The following MCTP1 variants were observed in gnomAD, a reference collection of about 807,000 sequenced individuals.
MCTP1 encodes multiple C2 and transmembrane domain-containing protein 1.
Under a neutral mutation model 120.6 loss-of-function variants are expected in MCTP1, and 69 were observed. The ratio of observed to expected loss-of-function variants is 0.57; its 90% confidence interval spans 0.47 to 0.70. The LOEUF (loss-of-function observed/expected upper bound fraction) is 0.70. Ranked by LOEUF, MCTP1 falls within the 30% of genes least tolerant of loss-of-function variation. The probability of loss-of-function intolerance (pLI) is 0.00; values close to 1 mark genes in which losing one functional copy is unlikely to be tolerated. For missense variants in MCTP1, 1,203 were observed against 1,248.8 expected (o/e 0.96, Z 0.55); for synonymous variants, 529 against 493.1 (o/e 1.07, Z -0.96).
rs145231980 is a variant in MCTP1, at chr5:94,765,510, G to A, written c.2610+13600C>T. ...AGGTCAGGAGTTTGAGACCAGCCTGGCTAACATGGTGAAACCATGTCTCTG... is the reference window on the plus strand; with the variant it reads ...AGGTCAGGAGTTTGAGACCAGCCTGACTAACATGGTGAAACCATGTCTCTG... On this transcript the variant is annotated intron_variant, in intron 19 of 22. Coordinates refer to ENST00000515393, the MANE Select transcript of MCTP1 (RefSeq NM_024717.7). 7.3e-3 allele frequency among the ~76,000 whole-genome samples: 1,111 copies of A among 152,090 alleles called. 16 individuals carry two copies. Among genetic ancestry groups the A allele is most frequent in the African/African-American group, 0.025 (1,033 of 41,490 alleles).
chr5:95,055,463 T>G (rs547818990), intron 1 of MCTP1, among the ~76,000 whole-genome samples: 1 of 152,346 alleles, frequency 6.6e-6, no homozygotes, highest in South Asian at 2.1e-4. Context: ...GGCACTTTTC[T>G]AAGCATTTAA....
chr5:94,889,007 G>A, intron 11 of MCTP1, 35 bp from the exon 12 acceptor site: 8 of 1,414,914 alleles, frequency 5.7e-6, no homozygotes, highest in Non-Finnish European at 8.0e-6. Context: ...AGAAAAGGGA[G>A]GTCCCAAGGA....
chr5:94,855,122 T>C (rs1023857585), intron 17 of MCTP1, among the ~76,000 whole-genome samples: 1 of 151,884 alleles, frequency 6.6e-6, no homozygotes, highest in Non-Finnish European at 1.5e-5. Context: ...CCCGCAACTC[T>C]GATAAGACTT....
Position 94,706,002 on chromosome 5 carries a change from A to AACTT in MCTP1, c.*1490_*1493dup, listed in dbSNP as rs2152510604. 1 of 151,862 alleles carries AACTT rather than the reference A, an allele frequency of 6.6e-6. No individual in the cohort carries two copies. The highest frequency in any genetic ancestry group is 1.9e-4 in the East Asian group (1 of 5,158). 9.4% of individuals were successfully genotyped at this position (151,862 alleles called of 1,614,324 possible). A position where few individuals can be genotyped will look rare whatever the true frequency, so the allele number is the denominator to read the frequency against. ...TCTATTATAAGAAATAGTATTTAAC[A>AACTT]ACTTATCTCTAAAATAAAAATACTT... On this transcript the variant is annotated 3_prime_UTR_variant, in exon 23 of 23. Transcript: ENST00000515393.
chr5:95,166,153 C>G (rs1418850102), intron 1 of MCTP1: 1 of 152,194 alleles, frequency 6.6e-6, no homozygotes, highest in African/African-American at 2.4e-5. Flanking sequence ...ACAGTGAGCT[C>G]CAGTGTTGTA....
At chr5:95,249,280 A>G (rs1385751561) in intron 1 of MCTP1, among the ~76,000 whole-genome samples, 1 of 152,234 alleles carries the variant, frequency 6.6e-6, no homozygotes, top group Non-Finnish European at 1.5e-5. Context: ...AAGGGCTAAT[A>G]TTCAGAATCT....
intron 17 of MCTP1, among the ~76,000 whole-genome samples, chr5:94,800,089 C>T (rs943736025): frequency 5.3e-5 from 8 of 152,168 alleles, no homozygotes; most frequent in East Asian, 1.9e-4. Flanking sequence ...TCCCCTCTTT[C>T]GTTTCTTCCC....
intron 2 of MCTP1, among the ~76,000 whole-genome samples, chr5:94,997,423 C>A (rs2153629343): frequency 6.6e-6 from 1 of 152,304 alleles, no homozygotes. Context: ...CATGGCTAGA[C>A]TGACTTTTCA....
intron 19 of MCTP1, among the ~76,000 whole-genome samples, chr5:94,750,795 A>G (rs1208557636): frequency 6.6e-6 from 1 of 152,186 alleles, no homozygotes; most frequent in Non-Finnish European, 1.5e-5. Context: ...ATTCTTACAG[A>G]AAATACTGAT....
Position 95,273,048 on chromosome 5 carries a change from C to T in MCTP1, c.720+10808G>A, listed in dbSNP as rs549111902. ...CACGTCTGCTCTCAGCTAGAGACAG[C>T]GTGGTCCCTGCTGATTTGGGGGTTT... On this transcript the variant is annotated intron_variant, in intron 1 of 22. Coordinates refer to ENST00000515393, the MANE Select transcript of MCTP1 (RefSeq NM_024717.7). Among the ~76,000 whole-genome samples the T allele has an allele frequency of 1.1e-4, 16 of 152,334 alleles. No individual in the cohort carries two copies. The East Asian group carries it at 2.3e-3, about 22-fold the overall frequency.
intron 1 of MCTP1, among the ~76,000 whole-genome samples, chr5:95,052,527 T>A (rs1187896493): frequency 6.6e-6 from 1 of 152,222 alleles, no homozygotes; most frequent in East Asian, 1.9e-4. Context: ...ACTCCCTTTC[T>A]ACATTTTTAC....
At position 95,284,470 on chromosome 5, in the gene MCTP1, T is replaced by C. The variant is rs1418221249; in HGVS notation, c.106A>G (p.Lys36Glu). 6.6e-7 allele frequency: 1 copy of C among 1,511,242 alleles called. No individual in the cohort carries two copies. Among genetic ancestry groups the C allele is most frequent in the African/African-American group, 1.4e-5 (1 of 70,258 alleles). 93.6% of individuals were successfully genotyped at this position (1,511,242 alleles called of 1,614,324 possible). ...CCAGCGCGCCCGCCCCCGCCGCCCT[T>C]GCTCCTGCCCACCCCCAGCTGCAGG... ...KNLQLGVGRS[K>E]GGGGGRAGGP... The change falls in exon 1 of 23, where the codon AAG becomes GAG. Residue 36 changes from lysine (K) to glutamate (E), a missense_variant. This residue lies in a region of MCTP1 where 463 missense variants were observed against 377.8 expected (regional missense o/e 1.23). Transcript: ENST00000515393. The surrounding 1 kb of genome is among the most constrained non-coding windows in gnomAD (Gnocchi z 5.2).
At chr5:94,954,342 G>C (rs994091294) in intron 2 of MCTP1, among the ~76,000 whole-genome samples, 2 of 151,336 alleles carry the variant, frequency 1.3e-5, no homozygotes, top group African/African-American at 4.9e-5. Context: ...TTACAAGTGG[G>C]AGCTAAACAA....
intron 2 of MCTP1, among the ~76,000 whole-genome samples, chr5:94,956,758 A>G (rs1353435945): frequency 2.0e-5 from 3 of 152,186 alleles, no homozygotes; most frequent in Admixed American, 1.3e-4. Flanking sequence ...TCCAAGAAAT[A>G]TGGGACTCTG....
At position 94,942,435 on chromosome 5, in the gene MCTP1, G is replaced by A; in HGVS notation, c.982-8C>T. ...AAAATCATAGTCAAATACCTGAGAT[G>A]CCAAAGAGAAAAAGCCTTGTTATAA... On this transcript the variant is annotated splice_region_variant and splice_polypyrimidine_tract_variant and intron_variant, in intron 3 of 22. Transcript: ENST00000515393. The A allele has an allele frequency of 1.3e-6, 2 of 1,594,524 alleles. No homozygotes were observed. The highest frequency in any genetic ancestry group is 2.2e-5 in the South Asian group (2 of 90,602).
chr5:94,799,196 AT>A, intron 17 of MCTP1, 64 bp from the exon 18 acceptor site: 1 of 1,455,294 alleles, frequency 6.9e-7, no homozygotes, highest in Non-Finnish European at 9.4e-7. Context: ...ATGGACTCTT[AT>A]TTATACTCTA....
chr5:95,127,826 A>G (rs945306790), intron 1 of MCTP1, among the ~76,000 whole-genome samples: 1 of 152,194 alleles, frequency 6.6e-6, no homozygotes, highest in Non-Finnish European at 1.5e-5. Context: ...GATGTGTATG[A>G]TTTAAGTGCA....
chr5:94,942,027 C>T (rs1375086266), intron 4 of MCTP1, among the ~76,000 whole-genome samples: 1 of 151,612 alleles, frequency 6.6e-6, no homozygotes, highest in Non-Finnish European at 1.5e-5. Flanking sequence ...TTTTTTATGC[C>T]CCATTAAAAC....
intron 1 of MCTP1, among the ~76,000 whole-genome samples, chr5:95,164,477 C>A (rs1206700477): frequency 6.6e-6 from 1 of 152,106 alleles, no homozygotes; most frequent in East Asian, 1.9e-4. Context: ...AAATTAATTA[C>A]CTAAACACAA....
Sources: allele counts gnomAD v4.1 joint callset (sites outside exome capture counted in the v4.1 genomes callset), GRCh38; gene constraint gnomAD v4.1.1; regional missense constraint gnomAD v4.1.1; non-coding constraint Gnocchi (gnomAD v3.1); transcripts MANE v1.5; gene names NCBI Gene and HGNC (gene_info 2026-07-23, HGNC 2026-07-21).